Variants in MYLK3 observed in about 807,000 individuals in gnomAD.
The protein encoded by MYLK3 is MLC kinase.
Under a neutral mutation model 76.3 loss-of-function variants are expected in MYLK3, and 55 were observed. That is an observed-to-expected ratio of 0.72 (90% CI 0.58 to 0.90). MYLK3 has a LOEUF of 0.90. Among genes scored for constraint, MYLK3 ranks in the 40% least tolerant of loss-of-function variants. The pLI, the probability that MYLK3 is intolerant of heterozygous loss-of-function variation, is 0.00. For missense variants in MYLK3, 973 were observed against 1,053.6 expected (o/e 0.92, Z 1.06); for synonymous variants, 416 against 425.4 (o/e 0.98, Z 0.27).
intron 6 of MYLK3, 56 bp downstream of exon 6, chr16:46,729,538 G>T: frequency 6.6e-7 from 1 of 1,507,072 alleles, no homozygotes; most frequent in Non-Finnish European, 9.2e-7. Flanking sequence ...GGCCCTGAGG[G>T]AAGGAAAGGA....
At chr16:46,747,672 G>T in intron 1 of MYLK3, 45 bp downstream of exon 1, 1 of 1,570,474 alleles carries the variant, frequency 6.4e-7, no homozygotes, top group Non-Finnish European at 8.7e-7. Context: ...CTCCCACCAG[G>T]GCCGGGGCCT....
At chr16:46,731,233 C>T (rs560691135) in intron 4 of MYLK3, among the ~76,000 whole-genome samples, 8 of 152,364 alleles carry the variant, frequency 5.3e-5, no homozygotes, top group Admixed American at 5.2e-4. Context: ...GGGCAGGCCC[C>T]GGGGCACAGG....
At chr16:46,727,188 G>A in intron 8 of MYLK3, 48 bp downstream of exon 8, 1 of 1,595,548 alleles carries the variant, frequency 6.3e-7, no homozygotes, top group Non-Finnish European at 8.6e-7. Flanking sequence ...AGCACGCCAG[G>A]AGCTAGGACA....
At chr16:46,730,253 G>T (rs529236918) in intron 5 of MYLK3, among the ~76,000 whole-genome samples, 1 of 152,096 alleles carries the variant, frequency 6.6e-6, no homozygotes, top group African/African-American at 2.4e-5. Context: ...CACACCACCT[G>T]GGCTATCCAC....
intron 4 of MYLK3, among the ~76,000 whole-genome samples, chr16:46,731,271 G>C (rs1966852035): frequency 6.6e-6 from 1 of 152,262 alleles, no homozygotes; most frequent in Non-Finnish European, 1.5e-5. Flanking sequence ...CAGGGGATCT[G>C]TCGGCAAGGG....
chr16:46,707,799 C>T (rs1383550210), intron 12 of MYLK3, 36 bp from the exon 13 acceptor site: 19 of 1,532,194 alleles, frequency 1.2e-5, no homozygotes, highest in Non-Finnish European at 1.7e-5. Flanking sequence ...AAAGAAAAAG[C>T]ATGTATTTTA....
At chr16:46,751,035 T>A (rs1053117477), upstream of MYLK3, among the ~76,000 whole-genome samples, 1 of 151,646 alleles carries the variant, frequency 6.6e-6, no homozygotes, top group Non-Finnish European at 1.5e-5. Flanking sequence ...AATAAATAAA[T>A]AAAGCCAGAA....
chr16:46,731,561 C>A (rs1966852543), intron 4 of MYLK3, among the ~76,000 whole-genome samples: 1 of 152,158 alleles, frequency 6.6e-6, no homozygotes, highest in South Asian at 2.1e-4. Flanking sequence ...ACCGGGAACA[C>A]CGACAGTGGT....
At chr16:46,711,705 G>C in intron 10 of MYLK3, 1 of 395,104 alleles carries the variant, frequency 2.5e-6, no homozygotes, top group Non-Finnish European at 5.0e-6. Flanking sequence ...TTGCTGGAGG[G>C]CTTTCTCTCC....
chr16:46,736,728 C>A (rs1392334578), intron 3 of MYLK3, among the ~76,000 whole-genome samples: 2 of 152,208 alleles, frequency 1.3e-5, no homozygotes, highest in Non-Finnish European at 2.9e-5. Context: ...CAGATCCACT[C>A]CCTGAGCCAG....
At chr16:46,745,658 A>G (rs1286576397) in intron 1 of MYLK3, among the ~76,000 whole-genome samples, 1 of 152,192 alleles carries the variant, frequency 6.6e-6, no homozygotes, top group Non-Finnish European at 1.5e-5. Context: ...AGACAGGAGA[A>G]TCGCTTGAAC....
rs1293998969 is a variant in MYLK3 at position 46,725,314 on chromosome 16, T to C, written c.1914+1922A>G. Among the ~76,000 whole-genome samples the C allele has an allele frequency of 2.0e-5, 3 of 152,198 alleles. No homozygotes were observed. In the East Asian group the frequency reaches 5.8e-4, roughly 29 times the overall value. Reference sequence around the variant, plus strand: ...GCCCTAGTGATAGCCTCCAGTAAAATGTTTAATACAAGTTGCAAGAACAGA... The same window carrying C: ...GCCCTAGTGATAGCCTCCAGTAAAACGTTTAATACAAGTTGCAAGAACAGA... On this transcript the variant is annotated intron_variant, in intron 8 of 12. Transcript: ENST00000394809.
chr16:46,747,655 G>T (rs1473194097), intron 1 of MYLK3, 62 bp downstream of exon 1: 1 of 1,501,332 alleles, frequency 6.7e-7, no homozygotes, highest in Non-Finnish European at 9.1e-7. Context: ...CTGGCTGCCT[G>T]GCCAGTCTCC....
intron 8 of MYLK3, among the ~76,000 whole-genome samples, chr16:46,721,953 T>C (rs1015431833): frequency 6.6e-6 from 1 of 152,114 alleles, no homozygotes; most frequent in South Asian, 2.1e-4. Context: ...TCAGAACCTC[T>C]GGGGTGAGAC....
intron 3 of MYLK3, among the ~76,000 whole-genome samples, chr16:46,735,519 A>T (rs760673442): frequency 6.6e-6 from 1 of 152,032 alleles, no homozygotes; most frequent in African/African-American, 2.4e-5. Flanking sequence ...TTTTATCCCA[A>T]TTTTTTAAAA....
intron 1 of MYLK3, among the ~76,000 whole-genome samples, chr16:46,754,578 G>A (rs1320639288): frequency 6.6e-6 from 1 of 152,174 alleles, no homozygotes; most frequent in Non-Finnish European, 1.5e-5. Flanking sequence ...TACAGAGAGG[G>A]CCCACCAGCA....
intron 5 of MYLK3, 95 bp from the exon 6 acceptor site, chr16:46,729,782 C>A: frequency 9.7e-7 from 1 of 1,031,660 alleles, no homozygotes. Flanking sequence ...ACACACAGGC[C>A]ATGTGGACCA....
chr16:46,759,858 C>A (rs566650656), intron 1 of MYLK3, among the ~76,000 whole-genome samples: 3 of 152,102 alleles, frequency 2.0e-5, no homozygotes, highest in Non-Finnish European at 4.4e-5. Context: ...GTCTCGAATC[C>A]CTGACCTCAG....
intron 9 of MYLK3, among the ~76,000 whole-genome samples, chr16:46,715,601 G>A (rs1185830754): frequency 6.6e-6 from 1 of 152,132 alleles, no homozygotes; most frequent in Non-Finnish European, 1.5e-5. Flanking sequence ...ACTGGACTGG[G>A]AGTCAGGGGA....
Sources: gnomAD v4.1 joint callset for allele counts (sites outside exome capture counted in the v4.1 genomes callset) on GRCh38, gnomAD v4.1.1 for gene constraint, MANE v1.5 for transcripts, NCBI Gene and HGNC (gene_info 2026-07-23, HGNC 2026-07-21) for gene names.